The following RAB41 variants were observed in gnomAD, a reference collection of about 807,000 sequenced individuals.
RAB41 encodes ras-related protein Rab-41.
In RAB41, 15 loss-of-function variants were observed where a neutral mutation model predicts 19.0. The observed-to-expected ratio is 0.79, with a 90% CI of 0.53 to 1.21. RAB41 has a LOEUF of 1.21. Ranked by LOEUF, RAB41 falls within the 50% of genes most tolerant of loss-of-function variation. RAB41 has a pLI of 0.00. For synonymous variants in RAB41, 73 were observed against 64.7 expected (o/e 1.13, Z -0.62); for missense variants, 177 against 179.7 (o/e 0.99, Z 0.09).
chrX:70,282,446 A>T, intron 1 of RAB41, 87 bp from the exon 2 acceptor site: 1 of 1,160,097 alleles, frequency 8.6e-7, no homozygotes, highest in Non-Finnish European at 1.2e-6. Context: ...GAAAGATTGG[A>T]GTTGGAGGAG....
At chrX:70,283,763 G>C (rs1265637040) in intron 5 of RAB41, 139 bp downstream of exon 5, 7 of 542,351 alleles carry the variant, frequency 1.3e-5, no homozygotes, top group Non-Finnish European at 2.2e-5. Context: ...GGGAAGGACA[G>C]GGGGGCGTCC....
Position 70,283,528 on chromosome X carries a change from A to G in RAB41, c.359A>G (p.Lys120Arg). The change falls in exon 5 of 8, where the codon AAG becomes AGG. Residue 120 changes from lysine (K) to arginine (R), a missense_variant. Coordinates refer to ENST00000374473, the MANE Select transcript of RAB41 (RefSeq NM_001363807.1). ...VYDITNINSF[K>R]ETDKWVEHVR... ...TCTCTTGCAGACATCAATTCTTTTA[A>G]GGAGACAGATAAGTGGGTAGAACAC... 2.5e-6 allele frequency: 3 copies of G among 1,204,523 alleles called. No individual in the cohort carries two copies. Among genetic ancestry groups the G allele is most frequent in the Non-Finnish European group, 2.3e-6 (2 of 888,538 alleles).
chrX:70,282,579 C>T lies in RAB41; in HGVS notation c.171C>T (p.Gly57=), dbSNP rs773555983. The part of the protein sequence containing the change: ...IISRFMYNSF[G]CACQATVGID... ...GCCGCTTCATGTACAACAGCTTCGG[C>T]TGCGCCTGCCAGGTAAGACCACCAC... The change falls in exon 2 of 8, where the codon GGC becomes GGT. Residue 57 remains glycine, a synonymous_variant. Coordinates refer to ENST00000374473, the MANE Select transcript of RAB41 (RefSeq NM_001363807.1). 50 of 1,208,094 alleles carry T rather than the reference C, an allele frequency of 4.1e-5. No individual in the cohort carries two copies. In the South Asian group the frequency reaches 7.8e-4, roughly 19 times the overall value.
chrX:70,283,417 G>T lies in RAB41; in HGVS notation c.343+44G>T, dbSNP rs1555942312. ...TTTATTTGAAAAGGGGATTATAAAG[G>T]GATTGATAGGGAGATTGACAAAATT... is the stretch of plus-strand genomic sequence containing the variant. On this transcript the variant is annotated intron_variant, in intron 4 of 7. Coordinates refer to ENST00000374473, the MANE Select transcript of RAB41 (RefSeq NM_001363807.1). 7 of 1,107,837 alleles carry T rather than the reference G, an allele frequency of 6.3e-6. No homozygotes were observed. In the South Asian group the frequency reaches 1.3e-4, roughly 20 times the overall value. The allele number at this position is 1,107,837 out of a possible 1,213,427, so 91.3% of individuals were successfully genotyped here. A position where few individuals can be genotyped will look rare whatever the true frequency, so the allele number is the denominator to read the frequency against.
chrX:70,282,556 C>G lies in RAB41; in HGVS notation c.148C>G (p.Arg50Gly). The G allele has an allele frequency of 8.3e-7, 1 of 1,211,182 alleles. No homozygotes were observed. Among genetic ancestry groups the G allele is most frequent in the Non-Finnish European group, 1.1e-6 (1 of 895,044 alleles). The change falls in exon 2 of 8, where the codon CGC becomes GGC. Residue 50 changes from arginine (R) to glycine (G), a missense_variant. By Grantham distance (125) the Arg-to-Gly change is moderately radical. Coordinates refer to ENST00000374473, the MANE Select transcript of RAB41 (RefSeq NM_001363807.1). ...QSVGKTSIIS[R>G]FMYNSFGCAC... ...AGTAGGGAAGACATCCATCATCAGC[C>G]GCTTCATGTACAACAGCTTCGGCTG...
At chrX:70,284,529 G>A in intron 7 of RAB41, 59 bp from the exon 8 acceptor site, 1 of 1,039,764 alleles carries the variant, frequency 9.6e-7, no homozygotes, top group South Asian at 1.9e-5. Context: ...GCTGACCTTG[G>A]GTGTTAAGAT....
chrX:70,284,368 C>G (rs1358860415), intron 7 of RAB41, 39 bp downstream of exon 7: 1 of 1,168,887 alleles, frequency 8.6e-7, no homozygotes, highest in African/African-American at 1.8e-5. Flanking sequence ...AGGGAGTATA[C>G]AAGTAGAGAA....
chrX:70,284,227 C>G (rs80096216), intron 6 of RAB41, 39 bp from the exon 7 acceptor site: 14 of 923,155 alleles, frequency 1.5e-5, no homozygotes, highest in Non-Finnish European at 1.9e-5. Context: ...TTTTTTTCCC[C>G]TTTTTTTTTT....
chrX:70,282,417 C>T, intron 1 of RAB41, 76 bp downstream of exon 1: 1 of 1,169,805 alleles, frequency 8.5e-7, no homozygotes, highest in African/African-American at 1.8e-5. Context: ...CTCTGGGGAA[C>T]CGAGTTCCTC....
At chrX:70,284,163 C>T in intron 6 of RAB41, 103 bp from the exon 7 acceptor site, 4 of 1,014,485 alleles carry the variant, frequency 3.9e-6, no homozygotes, top group Non-Finnish European at 5.5e-6. Flanking sequence ...GGTTCATCTC[C>T]CCATCATGTA....
Position 70,282,864 on chromosome X carries a change from T to A in RAB41, c.237+9T>A. ...ACTTGGAGGACCAAATAGTGAGTGT[T>A]AACTCTCATACCACTAACCCTACAC... On this transcript the variant is annotated intron_variant, in intron 3 of 7. Coordinates refer to ENST00000374473, the MANE Select transcript of RAB41 (RefSeq NM_001363807.1). 1 of 1,181,939 alleles carries A rather than the reference T, an allele frequency of 8.5e-7. No homozygotes were observed. Among genetic ancestry groups the A allele is most frequent in the Non-Finnish European group, 1.2e-6 (1 of 868,156 alleles).
At chrX:70,283,910 C>T in intron 5 of RAB41, 40 bp from the exon 6 acceptor site, 3 of 970,882 alleles carry the variant, frequency 3.1e-6, no homozygotes, top group African/African-American at 1.9e-5. Flanking sequence ...TATCCATATC[C>T]AATAACTCTG....
At position 70,282,571 on chromosome X, in the gene RAB41, AGCTTCGGCTGCGCCT is replaced by A. The variant is rs745348281; in HGVS notation, c.166_180del (p.Phe56_Cys60del). On this transcript the variant is annotated inframe_deletion, in exon 2 of 8. Coordinates refer to ENST00000374473, the MANE Select transcript of RAB41 (RefSeq NM_001363807.1). ...CATCATCAGCCGCTTCATGTACAAC[AGCTTCGGCTGCGCCT>A]GCCAGGTAAGACCACCACCGAGTCA... 8.3e-7 allele frequency: 1 copy of A among 1,211,000 alleles called. No homozygotes were observed. The highest frequency in any genetic ancestry group is 1.7e-5 in the African/African-American group (1 of 57,731).
rs1403935889 is a variant in RAB41, at chrX:70,284,601, A to T, written c.627A>T (p.Glu209Asp). Residue 209 changes from glutamate to aspartate, a missense_variant, in exon 8 of 8, where the codon GAA (glutamate) becomes GAT (aspartate). Glu to Asp is a conservative substitution (Grantham distance 45, BLOSUM62 2). Transcript: ENST00000374473. ...PPPKEGTVEI[E>D]LESFEESGNR... ...CACACACTTCAGCGGTTGAAATCGA[A>T]CTGGAATCCTTCGAGGAGTCAGGCA... The T allele has an allele frequency of 8.3e-7, 1 of 1,209,927 alleles. No individual in the cohort carries two copies. The highest frequency in any genetic ancestry group is 2.2e-5 in the Admixed American group (1 of 46,020).
Position 70,283,367 on chromosome X carries a change from A to G in RAB41, c.337A>G (p.Ile113Val). The G allele has an allele frequency of 1.7e-6, 2 of 1,191,974 alleles. No homozygotes were observed. The highest frequency in any genetic ancestry group is 2.3e-4 in the Middle Eastern group (1 of 4,303). Residue 113 changes from isoleucine to valine, a missense_variant, in exon 4 of 8, where the codon ATT becomes GTT. Physicochemically the swap from Ile to Val is conservative, Grantham distance 29 (BLOSUM62 3). Transcript: ENST00000374473. ...AACTATTGCAGTGGTTGTCTATGAC[A>G]TTACAAGTGGGTGTTATGCAATGTT... ...DSTIAVVVYD[I>V]TNINSFKETD...
At position 70,284,762 on chromosome X, in the gene RAB41, C is replaced by A; in HGVS notation, c.*119C>A. ...CACTTACTCTCTTCCAATTCCTAGGCTTGGGGTAAAAACAGAACCCCTGAA... is the reference window on the plus strand; with the variant it reads ...CACTTACTCTCTTCCAATTCCTAGGATTGGGGTAAAAACAGAACCCCTGAA... On this transcript the variant is annotated 3_prime_UTR_variant, in exon 8 of 8. Transcript: ENST00000374473. The A allele has an allele frequency of 1.7e-6, 1 of 590,791 alleles. No individual in the cohort carries two copies. Among genetic ancestry groups the A allele is most frequent in the Non-Finnish European group, 2.8e-6 (1 of 352,416 alleles). 48.7% of individuals were successfully genotyped at this position (590,791 alleles called of 1,213,427 possible).
chrX:70,282,982 T>C, intron 3 of RAB41, 127 bp downstream of exon 3: 2 of 574,773 alleles, frequency 3.5e-6, no homozygotes, highest in Non-Finnish European at 5.8e-6. Context: ...ATGTTTCTTG[T>C]TCTGTCTGCC....
At chrX:70,283,124 T>G (rs982816442) in intron 3 of RAB41, 144 bp from the exon 4 acceptor site, 5 of 514,139 alleles carry the variant, frequency 9.7e-6, no homozygotes, top group Non-Finnish European at 1.6e-5. Context: ...TATAGGCCAT[T>G]TGGTCTGAGG....
chrX:70,282,685 C>T, intron 2 of RAB41, 94 bp downstream of exon 2: 18 of 1,090,667 alleles, frequency 1.7e-5, no homozygotes, highest in Non-Finnish European at 2.2e-5. Context: ...GTATTGTAAG[C>T]ATTGGGAAGT....
Sources: allele counts gnomAD v4.1 joint callset, GRCh38; gene constraint gnomAD v4.1.1; transcripts MANE v1.5; gene names NCBI Gene and HGNC (gene_info 2026-07-23, HGNC 2026-07-21).